FRMPD4: variants seen among roughly 807,000 people sequenced by gnomAD.
FRMPD4 encodes the protein FERM and PDZ domain containing 4.
A neutral mutation model predicts 94.1 loss-of-function variants in FRMPD4; 22 were observed. The observed-to-expected ratio is 0.23, with a 90% CI of 0.17 to 0.33. The LOEUF is 0.33. Ranked by LOEUF, FRMPD4 falls within the 10% of genes least tolerant of loss-of-function variation. The pLI is 1.00. For missense variants in FRMPD4, 1,111 were observed against 1,339.9 expected, an observed-to-expected ratio of 0.83 and a Z score of 2.67; for synonymous variants, 631 against 548.6, an observed-to-expected ratio of 1.15 and a Z score of -2.10.
intron 3 of FRMPD4, among the ~76,000 whole-genome samples, chrX:12,028,214 G>C (rs1445038687): frequency 8.9e-6 from 1 of 111,990 alleles, no homozygotes; most frequent in Non-Finnish European, 1.9e-5. Flanking sequence ...CACTTTTCTT[G>C]TTGGTGGCCA....
At chrX:12,190,872 G>A (rs5935255) in intron 1 of FRMPD4, among the ~76,000 whole-genome samples, 32,803 of 109,750 alleles carry the variant, frequency 0.3, 3,719 homozygotes, top group Non-Finnish European at 0.35. Flanking sequence ...AACACCAAGG[G>A]CACAATCCAT....
At chrX:12,355,419 A>G (rs2055881200) in intron 1 of FRMPD4, among the ~76,000 whole-genome samples, 1 of 111,647 alleles carries the variant, frequency 9.0e-6, no homozygotes, top group Admixed American at 9.5e-5. Flanking sequence ...GGCTCAAGCA[A>G]TCCTCCTGCC....
intron 1 of FRMPD4, among the ~76,000 whole-genome samples, chrX:11,853,481 T>G (rs992846074): frequency 5.4e-5 from 6 of 110,613 alleles, no homozygotes; most frequent in African/African-American, 2.0e-4. Flanking sequence ...TATATATTGC[T>G]AACTAGACAA....
chrX:12,139,143 G>A, intron 1 of FRMPD4, 131 bp downstream of exon 1: 1 of 476,337 alleles, frequency 2.1e-6, no homozygotes. Context: ...CGAAGTGGCC[G>A]GGGGCTTCCA....
At chrX:12,274,472 T>C (rs1482017609) in intron 1 of FRMPD4, among the ~76,000 whole-genome samples, 2 of 112,508 alleles carry the variant, frequency 1.8e-5, no homozygotes, top group Non-Finnish European at 3.8e-5. Context: ...TATGGAACAA[T>C]AAAGCAAAGA....
At chrX:12,189,029 T>C (rs191102123) in intron 1 of FRMPD4, among the ~76,000 whole-genome samples, 105 of 111,290 alleles carry the variant, frequency 9.4e-4, no homozygotes, top group African/African-American at 3.3e-3. Flanking sequence ...ATCAATAAAA[T>C]TGATAAGTCT....
rs1569321855 is a variant in FRMPD4 at position 12,537,445 on chromosome X, T to TA, written c.158+38649_158+38650insA. Among the ~76,000 whole-genome samples, 315 of 103,584 alleles carry TA rather than the reference T, an allele frequency of 3.0e-3. 3 individuals are homozygous for TA. Among genetic ancestry groups the TA allele is most frequent in the African/African-American group, 0.011 (306 of 28,317 alleles). The allele number at this position is 103,584 out of a possible 115,157, so 90.0% of individuals were successfully genotyped here. A position where few individuals can be genotyped will look rare whatever the true frequency, so the allele number is the denominator to read the frequency against. Reference sequence around the variant, plus strand: ...ATATGTGTATTCCAACAATATATATTTTTTTTTTCCTTTTTTTTTTTTTTT... The same window carrying TA: ...ATATGTGTATTCCAACAATATATATTATTTTTTTTCCTTTTTTTTTTTTTTT... On this transcript the variant is annotated intron_variant, in intron 2 of 16. Transcript: ENST00000675598.
chrX:12,584,576 C>A (rs2058904528), intron 2 of FRMPD4, among the ~76,000 whole-genome samples: 1 of 112,016 alleles, frequency 8.9e-6, no homozygotes, highest in Non-Finnish European at 1.9e-5. Flanking sequence ...AAGAACGTTC[C>A]TTTACAATAG....
chrX:12,419,080 A>G (rs1018943126), intron 1 of FRMPD4, among the ~76,000 whole-genome samples: 3 of 111,693 alleles, frequency 2.7e-5, no homozygotes, highest in African/African-American at 9.8e-5. Flanking sequence ...TATGCTTTTA[A>G]AATTGCTGAC....
At chrX:11,969,820 C>T (rs919326287) in intron 3 of FRMPD4, among the ~76,000 whole-genome samples, 3 of 111,759 alleles carry the variant, frequency 2.7e-5, no homozygotes, top group African/African-American at 9.8e-5. Context: ...TCCAAATAAT[C>T]GTTTCGTAGA....
chrX:12,671,785 G>A (rs1029822856), intron 4 of FRMPD4, among the ~76,000 whole-genome samples: 3 of 110,905 alleles, frequency 2.7e-5, no homozygotes, highest in Non-Finnish European at 3.8e-5. Flanking sequence ...AGAGCACGCA[G>A]GTCTTGGAGG....
At chrX:12,232,527 A>C (rs2057023541) in intron 1 of FRMPD4, among the ~76,000 whole-genome samples, 1 of 110,882 alleles carries the variant, frequency 9.0e-6, no homozygotes, top group Non-Finnish European at 1.9e-5. Context: ...CGTGGAAATT[A>C]TGGGAACTAC....
intron 3 of FRMPD4, among the ~76,000 whole-genome samples, chrX:12,030,187 T>C (rs1328693548): frequency 8.9e-6 from 1 of 112,257 alleles, no homozygotes; most frequent in Non-Finnish European, 1.9e-5. Flanking sequence ...GGTAGGAGAA[T>C]GCTATGTCTT....
At chrX:12,570,074 T>C (rs138742331) in intron 2 of FRMPD4, among the ~76,000 whole-genome samples, 385 of 112,140 alleles carry the variant, frequency 3.4e-3, no homozygotes, top group Non-Finnish European at 6.0e-3. Context: ...ACTTTGTAGT[T>C]GGCCAAGCAC....
intron 3 of FRMPD4, among the ~76,000 whole-genome samples, chrX:11,984,301 A>G (rs1714719372): frequency 1.8e-5 from 2 of 112,434 alleles, no homozygotes; most frequent in Admixed American, 1.9e-4. Context: ...AACTGTTGCC[A>G]TGACCTTTGC....
intron 3 of FRMPD4, among the ~76,000 whole-genome samples, chrX:11,963,654 G>A (rs949835829): frequency 3.6e-5 from 4 of 112,355 alleles, no homozygotes; most frequent in Admixed American, 9.4e-5. Context: ...AATTGAAGAC[G>A]AGTAGAACAG....
At chrX:12,354,688 A>G (rs1205963814) in intron 1 of FRMPD4, among the ~76,000 whole-genome samples, 2 of 112,190 alleles carry the variant, frequency 1.8e-5, no homozygotes, top group African/African-American at 6.5e-5. Context: ...TGCTCCTGAC[A>G]GTATAGGTCT....
intron 3 of FRMPD4, among the ~76,000 whole-genome samples, chrX:12,112,635 TATA>T (rs1269405749): frequency 8.9e-6 from 1 of 112,157 alleles, no homozygotes; most frequent in African/African-American, 3.2e-5. Flanking sequence ...ATTTTCATTT[TATA>T]ATAATGTTTT....
At chrX:12,463,681 GTTTTTTTTT>G (rs764684007) in intron 1 of FRMPD4, among the ~76,000 whole-genome samples, 8 of 51,045 alleles carry the variant, frequency 1.6e-4, no homozygotes, top group South Asian at 1.4e-3. Flanking sequence ...CTATGTGTGT[GTTTTTTTTT>G]TGTTTTTGTT....
Sources: gnomAD v4.1 joint callset for allele counts (sites outside exome capture counted in the v4.1 genomes callset) on GRCh38, gnomAD v4.1.1 for gene constraint, MANE v1.5 for transcripts, NCBI Gene and HGNC (gene_info 2026-07-23, HGNC 2026-07-21) for gene names.